The following MAML3 variants were observed in gnomAD, a reference collection of about 807,000 sequenced individuals.
The protein encoded by MAML3 is mastermind like transcriptional coactivator 3, also known as mastermind-like protein 3.
In MAML3, 27 loss-of-function variants were observed where a neutral mutation model predicts 101.9. The ratio of observed to expected loss-of-function variants is 0.27; its 90% CI spans 0.20 to 0.37. The LOEUF is 0.37. Ranked by LOEUF, MAML3 falls within the 10% of genes least tolerant of loss-of-function variation. The probability of loss-of-function intolerance (pLI) is 1.00; values close to 1 mark genes in which losing one functional copy is unlikely to be tolerated. For missense variants in MAML3, 1,316 were observed against 1,444.9 expected, an observed-to-expected ratio of 0.91 and a Z score of 1.45; for synonymous variants, 501 against 555.9, an observed-to-expected ratio of 0.90 and a Z score of 1.39.
intron 2 of MAML3, among the ~76,000 whole-genome samples, chr4:139,737,670 A>C (rs116302593): frequency 0.063 from 9,547 of 152,334 alleles, 499 homozygotes; most frequent in Admixed American, 0.14. Flanking sequence ...TGGAAGGAAG[A>C]AACAAAATAA....
chr4:139,812,506 C>T (rs1020697612), intron 2 of MAML3, among the ~76,000 whole-genome samples: 7 of 152,178 alleles, frequency 4.6e-5, no homozygotes, highest in Admixed American at 6.5e-5. Context: ...GGACACAAAG[C>T]GCAGTTGAAG....
intron 1 of MAML3, among the ~76,000 whole-genome samples, chr4:140,051,287 G>A (rs1272647052): frequency 6.6e-6 from 1 of 152,174 alleles, no homozygotes; most frequent in Non-Finnish European, 1.5e-5. Flanking sequence ...AGTCACAATG[G>A]CTCATGCCTG....
intron 1 of MAML3, among the ~76,000 whole-genome samples, chr4:139,912,841 C>T (rs1296626362): frequency 6.6e-6 from 1 of 152,194 alleles, no homozygotes; most frequent in Non-Finnish European, 1.5e-5. Context: ...CCTGCTGACA[C>T]CTTGATTTTT....
chr4:140,085,655 A>G (rs1727939908), intron 1 of MAML3, among the ~76,000 whole-genome samples: 1 of 152,198 alleles, frequency 6.6e-6, no homozygotes, highest in Admixed American at 6.5e-5. Flanking sequence ...GGGCATGAAA[A>G]GAATTCTGAA....
rs34108210 is a variant in MAML3, at chr4:139,863,150, C to CA, written c.2079+26206dup. 8.5e-3 allele frequency among the ~76,000 whole-genome samples: 968 copies of CA among 114,070 alleles called. 10 individuals are homozygous for CA. Among genetic ancestry groups the CA allele is most frequent in the African/African-American group, 0.025 (772 of 30,784 alleles). 74.8% of individuals were successfully genotyped at this position (114,070 alleles called of 152,430 possible). On this transcript the variant is annotated intron_variant, in intron 2 of 4. Transcript: ENST00000509479. ...GGGTGACAGAGTGAGACTCTGTCTCCAAAAAAAAAAAAAAAAAAAATAGTA... is the reference window on the plus strand; with the variant it reads ...GGGTGACAGAGTGAGACTCTGTCTCCAAAAAAAAAAAAAAAAAAAAATAGTA...
intron 1 of MAML3, among the ~76,000 whole-genome samples, chr4:140,057,781 C>CT (rs1727375518): frequency 6.6e-6 from 1 of 152,090 alleles, no homozygotes; most frequent in Non-Finnish European, 1.5e-5. Flanking sequence ...TCCAAGTCTG[C>CT]TTTTTGTATT....
intron 2 of MAML3, among the ~76,000 whole-genome samples, chr4:139,771,340 T>C (rs954042587): frequency 1.3e-5 from 2 of 152,190 alleles, no homozygotes; most frequent in East Asian, 3.8e-4. Context: ...CTAAGGACCC[T>C]TTTTGCAGTG....
At chr4:140,018,193 C>T (rs1726675953) in intron 1 of MAML3, among the ~76,000 whole-genome samples, 1 of 152,100 alleles carries the variant, frequency 6.6e-6, no homozygotes, top group South Asian at 2.1e-4. Context: ...GGGTGCTCCC[C>T]TTTTCTATGT....
Position 139,901,994 on chromosome 4 carries a change from G to T in MAML3, c.469-11027C>A, listed in dbSNP as rs931899342. Among the ~76,000 whole-genome samples, 7 of 152,190 alleles carry T rather than the reference G, an allele frequency of 4.6e-5. No homozygotes were observed. In the South Asian group the frequency reaches 1.4e-3, roughly 31 times the overall value. Reference sequence around the variant, plus strand: ...GAACAGCCAGGGTGCCCAGACCTGAGACTGCTTTTGAATAAAATCCCATCA... The same window carrying T: ...GAACAGCCAGGGTGCCCAGACCTGATACTGCTTTTGAATAAAATCCCATCA... On this transcript the variant is annotated intron_variant, in intron 1 of 4. Transcript: ENST00000509479.
intron 1 of MAML3, among the ~76,000 whole-genome samples, chr4:139,936,095 A>G (rs1733500898): frequency 6.6e-6 from 1 of 152,156 alleles, no homozygotes; most frequent in Non-Finnish European, 1.5e-5. Context: ...TAGATTCCAC[A>G]TATAAATGAT....
intron 1 of MAML3, among the ~76,000 whole-genome samples, chr4:140,071,652 TA>T (rs763506702): frequency 0.063 from 8,731 of 139,670 alleles, 712 homozygotes; most frequent in African/African-American, 0.19. Context: ...TCTCACAGTT[TA>T]AAAAAAAAAA....
chr4:139,734,946 G>C (rs1030924722), intron 2 of MAML3, among the ~76,000 whole-genome samples: 1 of 152,274 alleles, frequency 6.6e-6, no homozygotes, highest in Non-Finnish European at 1.5e-5. Flanking sequence ...GGGCAACGCA[G>C]AGCAGCTGCC....
chr4:140,104,375 TAATATATATATATTATATATTATATA>T (rs1279225921), intron 1 of MAML3, among the ~76,000 whole-genome samples: 1 of 111,248 alleles, frequency 9.0e-6, no homozygotes, highest in African/African-American at 3.5e-5. Flanking sequence ...TATATATATA[TAATATATATATATTATATATTATATA>T]ATATATAATA....
At chr4:140,140,279 G>A (rs949620618) in intron 1 of MAML3, among the ~76,000 whole-genome samples, 24 of 152,082 alleles carry the variant, frequency 1.6e-4, no homozygotes, top group Middle Eastern at 3.4e-3. Context: ...AGCGAAGACC[G>A]CACCACTGCA....
At chr4:139,906,574 C>T (rs1321762245) in intron 1 of MAML3, among the ~76,000 whole-genome samples, 6 of 152,176 alleles carry the variant, frequency 3.9e-5, no homozygotes, top group Non-Finnish European at 8.8e-5. Context: ...AGGATTCTTG[C>T]GCCAGCCCAG....
At chr4:139,836,622 G>A (rs1008544590) in intron 2 of MAML3, among the ~76,000 whole-genome samples, 1 of 152,108 alleles carries the variant, frequency 6.6e-6, no homozygotes, top group Non-Finnish European at 1.5e-5. Flanking sequence ...CCAAGTGCTG[G>A]AGCCCTCCTT....
chr4:140,065,872 C>T (rs972655851), intron 1 of MAML3, among the ~76,000 whole-genome samples: 1 of 152,210 alleles, frequency 6.6e-6, no homozygotes, highest in African/African-American at 2.4e-5. Context: ...CATAAGGAAA[C>T]ATACCACAGC....
At position 139,730,323 on chromosome 4, in the gene MAML3, G is replaced by A. The variant is rs1056995319; in HGVS notation, c.2331+93C>T. On this transcript the variant is annotated intron_variant, in intron 3 of 4. Coordinates refer to ENST00000509479, the MANE Select transcript of MAML3 (RefSeq NM_018717.5). ...GCTAGACCGTGAGCATCTTGATGGA[G>A]GATGTGAACTGCCACTTCCTCACAG... is the stretch of plus-strand genomic sequence containing the variant. The A allele has an allele frequency of 3.6e-6, 4 of 1,100,784 alleles. No individual in the cohort carries two copies. The African/African-American group carries it at 6.2e-5, about 17-fold the overall frequency. 68.2% of individuals were successfully genotyped at this position (1,100,784 alleles called of 1,614,324 possible).
At chr4:140,055,697 C>G (rs1727338982) in intron 1 of MAML3, among the ~76,000 whole-genome samples, 1 of 152,036 alleles carries the variant, frequency 6.6e-6, no homozygotes, top group East Asian at 1.9e-4. Flanking sequence ...GCCAAAGGTA[C>G]AAAATTACAC....
Sources: allele counts gnomAD v4.1 joint callset (sites outside exome capture counted in the v4.1 genomes callset), GRCh38; gene constraint gnomAD v4.1.1; transcripts MANE v1.5; gene names NCBI Gene and HGNC (gene_info 2026-07-23, HGNC 2026-07-21).